Variants in SCFD2 observed in about 807,000 individuals in gnomAD.
SCFD2 encodes sec1 family domain containing 2.
SCFD2 carries 54 observed loss-of-function variants against 58.9 expected under a neutral mutation model. The ratio of observed to expected loss-of-function variants is 0.92; its 90% CI spans 0.74 to 1.15. The LOEUF (loss-of-function observed/expected upper bound fraction) is 1.15. Among genes scored for constraint, SCFD2 ranks in the 50% most tolerant of loss-of-function variants. The pLI is 0.00. For synonymous variants in SCFD2, 321 were observed against 335.9 expected (o/e 0.96, Z 0.49); for missense variants, 805 against 836.6 (o/e 0.96, Z 0.47).
intron 5 of SCFD2, among the ~76,000 whole-genome samples, chr4:53,012,355 TTCTCTC>T (rs71195197): frequency 2.7e-5 from 4 of 145,950 alleles, no homozygotes; most frequent in Non-Finnish European, 4.5e-5. Flanking sequence ...CTCTCTCTCT[TTCTCTC>T]TCTCTCTCTC....
At chr4:53,169,359 C>T (rs1299627447) in intron 4 of SCFD2, among the ~76,000 whole-genome samples, 4 of 151,716 alleles carry the variant, frequency 2.6e-5, no homozygotes, top group Middle Eastern at 6.4e-3. Flanking sequence ...GAGACTCTGA[C>T]TCAAAAAATA....
At chr4:53,103,897 TAAAA>T (rs34101811) in intron 5 of SCFD2, among the ~76,000 whole-genome samples, 2 of 74,380 alleles carry the variant, frequency 2.7e-5, no homozygotes, top group Non-Finnish European at 5.3e-5. Flanking sequence ...CAATATGAGC[TAAAA>T]AAAAAAAAAA....
chr4:53,149,911 A>C (rs528544836), intron 4 of SCFD2, among the ~76,000 whole-genome samples: 2 of 152,348 alleles, frequency 1.3e-5, no homozygotes, highest in South Asian at 4.1e-4. Flanking sequence ...ATCACACGCC[A>C]GTTGAAACTA....
At chr4:53,339,763 CTG>C (rs935649704) in intron 2 of SCFD2, among the ~76,000 whole-genome samples, 6 of 151,154 alleles carry the variant, frequency 4.0e-5, no homozygotes, top group South Asian at 4.2e-4. Flanking sequence ...GAGTGAGACT[CTG>C]TCTCAAAAAA....
chr4:53,201,617 T>C lies in SCFD2; in HGVS notation c.1312-56035A>G, dbSNP rs555963343. ...ATCGCCACACTGACTTCCACAATGGTTGAACTAGTTTACAGTCCCACCAAC... is the reference window on the plus strand; with the variant it reads ...ATCGCCACACTGACTTCCACAATGGCTGAACTAGTTTACAGTCCCACCAAC... On this transcript the variant is annotated intron_variant, in intron 4 of 8. Transcript: ENST00000401642. 5.3e-5 allele frequency among the ~76,000 whole-genome samples: 8 copies of C among 152,228 alleles called. No individual in the cohort carries two copies. The South Asian group carries it at 1.2e-3, about 24-fold the overall frequency.
chr4:52,943,037 G>T (rs1276192328), intron 5 of SCFD2, among the ~76,000 whole-genome samples: 3 of 151,950 alleles, frequency 2.0e-5, no homozygotes, highest in Non-Finnish European at 2.9e-5. Flanking sequence ...TCCTAAAATG[G>T]TAAAAAATAA....
At chr4:52,986,008 T>C (rs1721482650) in intron 5 of SCFD2, among the ~76,000 whole-genome samples, 1 of 152,008 alleles carries the variant, frequency 6.6e-6, no homozygotes, top group South Asian at 2.1e-4. Context: ...TAGCATACAA[T>C]TCCTTTACAT....
intron 5 of SCFD2, among the ~76,000 whole-genome samples, chr4:53,007,335 G>GGAGA (rs1204340553): frequency 1.0e-4 from 4 of 39,222 alleles, no homozygotes; most frequent in Non-Finnish European, 1.9e-4. Flanking sequence ...AGAGAGAGAG[G>GGAGA]GAGAGAGAGA....
chr4:52,994,152 G>A (rs1307529402), intron 5 of SCFD2, among the ~76,000 whole-genome samples: 1 of 152,258 alleles, frequency 6.6e-6, no homozygotes, highest in African/African-American at 2.4e-5. Flanking sequence ...CTGGAGGGCT[G>A]TGGATCACAG....
intron 5 of SCFD2, among the ~76,000 whole-genome samples, chr4:53,077,726 CG>C (rs1228712742): frequency 2.0e-5 from 3 of 152,136 alleles, no homozygotes; most frequent in Non-Finnish European, 4.4e-5. Context: ...GCATGAGCCA[CG>C]GCGGCTGGCC....
At chr4:52,983,396 T>C (rs1721420604) in intron 5 of SCFD2, among the ~76,000 whole-genome samples, 1 of 152,224 alleles carries the variant, frequency 6.6e-6, no homozygotes, top group Non-Finnish European at 1.5e-5. Context: ...GTCAAAATAA[T>C]TTAAAAGCTG....
chr4:53,185,505 G>A (rs1403116522), intron 4 of SCFD2, among the ~76,000 whole-genome samples: 4 of 151,896 alleles, frequency 2.6e-5, no homozygotes, highest in Admixed American at 1.3e-4. Context: ...CTGCTTCCTA[G>A]TCTCTCATGT....
Position 52,873,350 on chromosome 4 carries a change from C to T in SCFD2, c.*619G>A, listed in dbSNP as rs1388887538. 1 of 152,200 alleles carries T rather than the reference C, an allele frequency of 6.6e-6. No individual in the cohort carries two copies. The highest frequency in any genetic ancestry group is 6.5e-5 in the Admixed American group (1 of 15,278). 9.4% of individuals were successfully genotyped at this position (152,200 alleles called of 1,614,324 possible). ...TTCCAAGTAGCCTGGCAGACCTGCC[C>T]AGTGGGCCAGCTAGAACAATGCAGT... On this transcript the variant is annotated 3_prime_UTR_variant, in exon 9 of 9. Coordinates refer to ENST00000401642, the MANE Select transcript of SCFD2 (RefSeq NM_152540.4).
At position 53,143,410 on chromosome 4, in the gene SCFD2, A is replaced by G. The variant is rs372228630; in HGVS notation, c.1561+1923T>C. Among the ~76,000 whole-genome samples the G allele has an allele frequency of 2.1e-4, 32 of 152,360 alleles. No individual in the cohort carries two copies. The South Asian group carries it at 6.4e-3, about 31-fold the overall frequency. On this transcript the variant is annotated intron_variant, in intron 5 of 8. Transcript: ENST00000401642. ...AATCATATTAAAACTTTCTAAGTTG[A>G]TATTTATTGATGGCCAAACACATGC... is the stretch of plus-strand genomic sequence containing the variant.
chr4:52,985,226 G>C (rs1329330775), intron 5 of SCFD2, among the ~76,000 whole-genome samples: 2 of 152,166 alleles, frequency 1.3e-5, no homozygotes, highest in Non-Finnish European at 2.9e-5. Flanking sequence ...CTCCCTCCCA[G>C]GTATGAAGAG....
At chr4:52,925,352 A>G (rs1719839318) in intron 5 of SCFD2, among the ~76,000 whole-genome samples, 1 of 133,270 alleles carries the variant, frequency 7.5e-6, no homozygotes, top group African/African-American at 3.3e-5. Context: ...ATATATATAT[A>G]TACATATATA....
intron 5 of SCFD2, among the ~76,000 whole-genome samples, chr4:52,937,639 G>A (rs1577841538): frequency 6.6e-6 from 1 of 152,182 alleles, no homozygotes; most frequent in African/African-American, 2.4e-5. Context: ...ATAGGAGGAA[G>A]CTATAGCATG....
At chr4:52,989,241 T>A (rs1303795583) in intron 5 of SCFD2, among the ~76,000 whole-genome samples, 2 of 152,210 alleles carry the variant, frequency 1.3e-5, no homozygotes, top group African/African-American at 4.8e-5. Flanking sequence ...TTGTGGATTA[T>A]CTTATTAGTC....
intron 5 of SCFD2, among the ~76,000 whole-genome samples, chr4:53,058,866 G>A (rs1398924854): frequency 1.3e-5 from 2 of 152,026 alleles, no homozygotes; most frequent in African/African-American, 4.8e-5. Flanking sequence ...AAGAAAATAC[G>A]ACAGGAGATA....
Sources: allele counts gnomAD v4.1 joint callset (sites outside exome capture counted in the v4.1 genomes callset), GRCh38; gene constraint gnomAD v4.1.1; transcripts MANE v1.5; gene names NCBI Gene and HGNC (gene_info 2026-07-23, HGNC 2026-07-21).